Variants in TMCC1 observed in about 807,000 individuals in gnomAD.
TMCC1 encodes transmembrane and coiled-coil domain family 1.
Under a neutral mutation model 52.4 loss-of-function variants are expected in TMCC1, and 15 were observed. That is an observed-to-expected ratio of 0.29 (90% confidence interval 0.19 to 0.44). The LOEUF (loss-of-function observed/expected upper bound fraction) is 0.44, where lower values mean the gene tolerates loss of function less well. Ranked by LOEUF, TMCC1 falls within the 20% of genes least tolerant of loss-of-function variation. The probability of loss-of-function intolerance (pLI) is 1.00; values close to 1 mark genes in which losing one functional copy is unlikely to be tolerated. For missense variants in TMCC1, 503 were observed against 806.0 expected (o/e 0.62, Z 4.55); for synonymous variants, 279 against 301.9 (o/e 0.92, Z 0.79).
At chr3:129,849,043 G>T (rs775159529) in intron 2 of TMCC1, among the ~76,000 whole-genome samples, 3 of 152,174 alleles carry the variant, frequency 2.0e-5, no homozygotes, top group Non-Finnish European at 4.4e-5. Context: ...TGGCACAAAA[G>T]AATACTAAGA....
chr3:129,839,225 C>T (rs1333474649), intron 2 of TMCC1, among the ~76,000 whole-genome samples: 1 of 151,784 alleles, frequency 6.6e-6, no homozygotes, highest in Non-Finnish European at 1.5e-5. Flanking sequence ...GGATAAGTAC[C>T]CCACAGGTAA....
chr3:129,765,398 T>C (rs915924911), intron 4 of TMCC1, among the ~76,000 whole-genome samples: 4 of 152,094 alleles, frequency 2.6e-5, no homozygotes, highest in Non-Finnish European at 2.9e-5. Flanking sequence ...AAATATAACA[T>C]CCATTATTTA....
intron 4 of TMCC1, among the ~76,000 whole-genome samples, chr3:129,703,459 T>C (rs753491424): frequency 1.2e-4 from 18 of 152,166 alleles, no homozygotes; most frequent in Non-Finnish European, 2.1e-4. Context: ...TACAGTAAGA[T>C]GGGGTTGGGA....
chr3:129,886,963 C>A (rs577540761), intron 1 of TMCC1, among the ~76,000 whole-genome samples: 32 of 151,842 alleles, frequency 2.1e-4, no homozygotes, highest in South Asian at 1.0e-3. Flanking sequence ...ACAAAAAAAA[C>A]CCCAAAAGGC....
intron 4 of TMCC1, among the ~76,000 whole-genome samples, chr3:129,777,480 A>C (rs1362385789): frequency 6.6e-6 from 1 of 152,218 alleles, no homozygotes; most frequent in East Asian, 1.9e-4. Flanking sequence ...GTTTGATTTC[A>C]GCAAAGGCAC....
Position 129,696,586 on chromosome 3 carries a change from G to A in TMCC1, c.577-25322C>T, listed in dbSNP as rs1350212236. 5.3e-5 allele frequency among the ~76,000 whole-genome samples: 8 copies of A among 152,078 alleles called. No individual in the cohort carries two copies. The East Asian group carries it at 5.8e-4, about 11-fold the overall frequency. On this transcript the variant is annotated intron_variant, in intron 4 of 6. Coordinates refer to ENST00000393238, the MANE Select transcript of TMCC1 (RefSeq NM_001017395.5). ...TGTTGACACCTTCCCAACAGTCCCC[G>A]AAAGTCTTAGCTCATTTCAGCATTA...
chr3:129,862,419 G>A (rs573378455), intron 2 of TMCC1, among the ~76,000 whole-genome samples: 3 of 152,212 alleles, frequency 2.0e-5, no homozygotes, highest in Non-Finnish European at 4.4e-5. Context: ...GGAGAAATGG[G>A]TGCATGACAT....
rs2052210784 is a variant in TMCC1 at position 129,748,644 on chromosome 3, TA to T, written c.577-77381del. On this transcript the variant is annotated intron_variant, in intron 4 of 6. Transcript: ENST00000393238. ...TAATTAACTTTTAGGTACAACTTCA[TA>T]AAATGTTTCATAAATCATTATAGTA... is the stretch of plus-strand genomic sequence containing the variant. Among the ~76,000 whole-genome samples the T allele has an allele frequency of 2.6e-5, 4 of 152,246 alleles. No individual in the cohort carries two copies. The South Asian group carries it at 8.3e-4, about 32-fold the overall frequency.
chr3:129,768,966 A>T (rs1560377462), intron 4 of TMCC1, among the ~76,000 whole-genome samples: 1 of 152,190 alleles, frequency 6.6e-6, no homozygotes, highest in Non-Finnish European at 1.5e-5. Flanking sequence ...ATCAGCCTCA[A>T]CCCTGACCTC....
chr3:129,788,074 C>T (rs2056168737), intron 4 of TMCC1, among the ~76,000 whole-genome samples: 1 of 152,154 alleles, frequency 6.6e-6, no homozygotes, highest in African/African-American at 2.4e-5. Context: ...CCTATATATA[C>T]ACAAAAGGAA....
intron 2 of TMCC1, among the ~76,000 whole-genome samples, chr3:129,851,261 T>C (rs1037062416): frequency 1.2e-4 from 19 of 152,212 alleles, no homozygotes; most frequent in African/African-American, 4.6e-4. Flanking sequence ...TACAGGCCTA[T>C]GTAGCACCAG....
intron 5 of TMCC1, among the ~76,000 whole-genome samples, chr3:129,664,176 C>T (rs2087264120): frequency 6.6e-6 from 1 of 152,136 alleles, no homozygotes; most frequent in Non-Finnish European, 1.5e-5. Context: ...ATTCAGTACC[C>T]TCAGTTTCTA....
chr3:129,893,621 C>T lies in TMCC1; in HGVS notation c.-562G>A, dbSNP rs2062090379. The T allele has an allele frequency of 6.5e-6, 1 of 152,882 alleles. No homozygotes were observed. The highest frequency in any genetic ancestry group is 1.5e-5 in the Non-Finnish European group (1 of 68,492). The allele number at this position is 152,882 out of a possible 1,614,324, so 9.5% of individuals were successfully genotyped here. On this transcript the variant is annotated 5_prime_UTR_variant, in exon 1 of 7. Coordinates refer to ENST00000393238, the MANE Select transcript of TMCC1 (RefSeq NM_001017395.5). ...CAACCACCCCCCCCTCCCGACCCTC[C>T]CCCCGCGCCGCCTCAGCCGCCGCCG...
chr3:129,762,260 G>A (rs2053673995), intron 4 of TMCC1, among the ~76,000 whole-genome samples: 1 of 151,860 alleles, frequency 6.6e-6, no homozygotes, highest in African/African-American at 2.4e-5. Context: ...GGCTGGTCTT[G>A]AACTCCTGGG....
rs56986283 is a variant in TMCC1 at position 129,833,513 on chromosome 3, C to T, written c.-183-687G>A. On this transcript the variant is annotated intron_variant, in intron 2 of 6. Transcript: ENST00000393238. ...TGAGCCCCGGAGCTGGAGATTACAG[C>T]GAGCTATGGCTGCACCACTGCCCTC... Among the ~76,000 whole-genome samples, 1,191 of 152,232 alleles carry T rather than the reference C, an allele frequency of 7.8e-3. 7 individuals are homozygous for T. Among genetic ancestry groups the T allele is most frequent in the South Asian group, 0.021 (103 of 4,818 alleles).
chr3:129,737,478 T>C (rs1296617693), intron 4 of TMCC1, among the ~76,000 whole-genome samples: 1 of 147,658 alleles, frequency 6.8e-6, no homozygotes, highest in Non-Finnish European at 1.5e-5. Flanking sequence ...AGCCTCCATC[T>C]CAGAAAAAAA....
chr3:129,863,583 C>T (rs953442405), intron 2 of TMCC1, among the ~76,000 whole-genome samples: 1 of 152,130 alleles, frequency 6.6e-6, no homozygotes, highest in Non-Finnish European at 1.5e-5. Flanking sequence ...CCAGAGAGGC[C>T]AGGCGCAGTG....
intron 4 of TMCC1, among the ~76,000 whole-genome samples, chr3:129,717,140 T>C (rs534125009): frequency 9.2e-4 from 140 of 152,344 alleles, no homozygotes; most frequent in African/African-American, 3.2e-3. Flanking sequence ...ATAAAGATTA[T>C]TCAAACTCAC....
intron 4 of TMCC1, among the ~76,000 whole-genome samples, chr3:129,679,052 T>TAC (rs2108912073): frequency 6.6e-6 from 1 of 152,312 alleles, no homozygotes; most frequent in East Asian, 1.9e-4. Context: ...CCTGCACCAC[T>TAC]ACATCCCATA....
Sources: allele counts gnomAD v4.1 joint callset (sites outside exome capture counted in the v4.1 genomes callset), GRCh38; gene constraint gnomAD v4.1.1; transcripts MANE v1.5; gene names NCBI Gene and HGNC (gene_info 2026-07-23, HGNC 2026-07-21).